Variants in KCNMB2 observed in about 807,000 individuals in gnomAD.
KCNMB2 encodes the protein potassium calcium-activated channel subfamily M regulatory beta subunit 2.
Under a neutral mutation model 24.5 loss-of-function variants are expected in KCNMB2, and 9 were observed. The ratio of observed to expected loss-of-function variants is 0.37; its 90% CI spans 0.22 to 0.64. The LOEUF (loss-of-function observed/expected upper bound fraction) is 0.64, where lower values mean the gene tolerates loss of function less well. KCNMB2 is among the 30% of genes least tolerant of loss of function. The pLI, the probability that KCNMB2 is intolerant of heterozygous loss-of-function variation, is 0.63. For missense variants in KCNMB2, 226 were observed against 284.3 expected (o/e 0.79, Z 1.47); for synonymous variants, 109 against 104.4 (o/e 1.04, Z -0.27).
At chr3:178,837,884 AT>A (rs1157282645) in intron 4 of KCNMB2, among the ~76,000 whole-genome samples, 2 of 152,102 alleles carry the variant, frequency 1.3e-5, no homozygotes, top group African/African-American at 4.8e-5. Flanking sequence ...AAAAATCTAT[AT>A]TTTTAAGCTG....
At chr3:178,674,052 T>C (rs911104961) in intron 1 of KCNMB2, among the ~76,000 whole-genome samples, 1 of 152,184 alleles carries the variant, frequency 6.6e-6, no homozygotes, top group East Asian at 1.9e-4. Flanking sequence ...TTTGACACCA[T>C]TGACTCTGTC....
At chr3:178,571,729 T>C (rs933516077) in intron 1 of KCNMB2, among the ~76,000 whole-genome samples, 2 of 151,490 alleles carry the variant, frequency 1.3e-5, no homozygotes, top group African/African-American at 2.4e-5. Flanking sequence ...TTGCCCTCCC[T>C]GTGTCCACGT....
chr3:178,721,310 C>T (rs1265904629), intron 1 of KCNMB2, among the ~76,000 whole-genome samples: 4 of 152,138 alleles, frequency 2.6e-5, no homozygotes, highest in East Asian at 1.9e-4. Flanking sequence ...TTTCTGAGGG[C>T]TCTGTTCTGT....
In KCNMB2 at chr3:178,842,666, C is replaced by A. The variant is rs1389140788; in HGVS notation, c.437C>A (p.Pro146His). 2 of 1,609,068 alleles carry A rather than the reference C, an allele frequency of 1.2e-6. No homozygotes were observed. Among genetic ancestry groups the A allele is most frequent in the Non-Finnish European group, 1.7e-6 (2 of 1,175,926 alleles). ...IKINQKCSYI[P>H]KCGKNFEESM... ...TATTCTCCACAGTGCTCCTATATACCTAAATGTGGAAAAAATTTTGAAGAA... is the reference window on the plus strand; with the variant it reads ...TATTCTCCACAGTGCTCCTATATACATAAATGTGGAAAAAATTTTGAAGAA... Residue 146 changes from proline to histidine, a missense_variant, in exon 5 of 5, where the codon CCT becomes CAT. Physicochemically the swap from Pro to His is moderately conservative, Grantham distance 77. Coordinates refer to ENST00000452583, the MANE Select transcript of KCNMB2 (RefSeq NM_181361.3).
intron 1 of KCNMB2, among the ~76,000 whole-genome samples, chr3:178,587,697 C>T (rs1419566328): frequency 1.3e-5 from 2 of 150,278 alleles, no homozygotes; most frequent in Non-Finnish European, 3.0e-5. Context: ...CCGCCCACCT[C>T]GGCCTCCCAA....
chr3:178,839,274 T>C (rs1447533114), intron 4 of KCNMB2, among the ~76,000 whole-genome samples: 6 of 151,580 alleles, frequency 4.0e-5, no homozygotes, highest in South Asian at 2.1e-4. Flanking sequence ...TCCTCAGAGA[T>C]AGCTTTTTTA....
At chr3:178,751,442 T>C (rs989190010) in intron 1 of KCNMB2, among the ~76,000 whole-genome samples, 6 of 151,826 alleles carry the variant, frequency 4.0e-5, no homozygotes, top group African/African-American at 1.2e-4. Context: ...TAGCTGGGCA[T>C]TGTAGCAGGC....
intron 1 of KCNMB2, among the ~76,000 whole-genome samples, chr3:178,642,645 T>G (rs1719767769): frequency 6.6e-6 from 1 of 152,234 alleles, no homozygotes; most frequent in South Asian, 2.1e-4. Context: ...GCAATTTCAT[T>G]TCCTGGGATT....
At chr3:178,608,073 G>C (rs1203493470) in intron 1 of KCNMB2, among the ~76,000 whole-genome samples, 1 of 152,170 alleles carries the variant, frequency 6.6e-6, no homozygotes, top group East Asian at 1.9e-4. Flanking sequence ...TAAAATTATA[G>C]TCACAGGATA....
At chr3:178,786,264 T>C (rs995796752) in intron 1 of KCNMB2, among the ~76,000 whole-genome samples, 10 of 152,124 alleles carry the variant, frequency 6.6e-5, no homozygotes, top group East Asian at 1.9e-4. Flanking sequence ...ACCACCACAA[T>C]TGGATAGAAT....
chr3:178,582,638 CT>C (rs547438340), intron 1 of KCNMB2, among the ~76,000 whole-genome samples: 129 of 152,228 alleles, frequency 8.5e-4, no homozygotes, highest in African/African-American at 3.0e-3. Context: ...CAAAAGGTCA[CT>C]TTTTTGATTG....
chr3:178,537,857 T>C (rs1452619609), intron 1 of KCNMB2, among the ~76,000 whole-genome samples: 1 of 152,234 alleles, frequency 6.6e-6, no homozygotes, highest in East Asian at 1.9e-4. Flanking sequence ...AAACTCTGTA[T>C]TCTGAGGCAT....
chr3:178,684,061 G>A (rs1721371376), intron 1 of KCNMB2, among the ~76,000 whole-genome samples: 1 of 152,098 alleles, frequency 6.6e-6, no homozygotes, highest in Non-Finnish European at 1.5e-5. Context: ...CATATTCACT[G>A]CAGCATTATT....
At chr3:178,629,254 T>C (rs557071517) in intron 1 of KCNMB2, among the ~76,000 whole-genome samples, 2 of 152,336 alleles carry the variant, frequency 1.3e-5, no homozygotes, top group South Asian at 4.1e-4. Context: ...CTGTTCATTC[T>C]ACTCATCTGG....
At chr3:178,795,482 T>C (rs767162897) in intron 1 of KCNMB2, among the ~76,000 whole-genome samples, 8 of 152,194 alleles carry the variant, frequency 5.3e-5, no homozygotes, top group Non-Finnish European at 1.2e-4. Flanking sequence ...ACATGAGTCC[T>C]TGCAGTTTAA....
At chr3:178,829,477 A>G (rs1251869780) in intron 4 of KCNMB2, among the ~76,000 whole-genome samples, 1 of 152,240 alleles carries the variant, frequency 6.6e-6, no homozygotes, top group Non-Finnish European at 1.5e-5. Context: ...AGGACTCAAC[A>G]TAATAAATAT....
chr3:178,739,757 G>A (rs1484422314), intron 1 of KCNMB2, among the ~76,000 whole-genome samples: 2 of 152,158 alleles, frequency 1.3e-5, no homozygotes, highest in Admixed American at 1.3e-4. Context: ...GTAACATAAA[G>A]GTGAGAGGTG....
chr3:178,544,850 G>A (rs147524711), intron 1 of KCNMB2, among the ~76,000 whole-genome samples: 1 of 152,298 alleles, frequency 6.6e-6, no homozygotes, highest in Non-Finnish European at 1.5e-5. Flanking sequence ...CAAACTCATT[G>A]AAAGCAGCAA....
intron 1 of KCNMB2, among the ~76,000 whole-genome samples, chr3:178,609,643 A>ATT (rs35933239): frequency 9.1e-5 from 13 of 143,262 alleles, no homozygotes; most frequent in South Asian, 6.6e-4. Flanking sequence ...GTCTATTTCG[A>ATT]TTTTTTTTTT....
Sources: gnomAD v4.1 joint callset for allele counts (sites outside exome capture counted in the v4.1 genomes callset) on GRCh38, gnomAD v4.1.1 for gene constraint, MANE v1.5 for transcripts, NCBI Gene and HGNC (gene_info 2026-07-23, HGNC 2026-07-21) for gene names.